CAMKMT: variants seen among roughly 807,000 people sequenced by gnomAD.
The protein encoded by CAMKMT is calmodulin-lysine N-methyltransferase.
In CAMKMT, 53 loss-of-function variants were observed where a neutral mutation model predicts 48.0. The observed-to-expected ratio is 1.10, with a 90% CI of 0.89 to 1.39. CAMKMT has a LOEUF of 1.39. Ranked by LOEUF, CAMKMT falls within the 40% of genes most tolerant of loss-of-function variation. The pLI is 0.00. For synonymous variants in CAMKMT, 165 were observed against 152.3 expected (o/e 1.08, Z -0.61); for missense variants, 428 against 402.7 (o/e 1.06, Z -0.54).
At chr2:44,545,681 C>CTTTT (rs71393283) in intron 3 of CAMKMT, among the ~76,000 whole-genome samples, 2 of 135,644 alleles carry the variant, frequency 1.5e-5, no homozygotes, top group African/African-American at 2.7e-5. Context: ...TAGACTCGGT[C>CTTTT]TTTTTTTTTT....
At chr2:44,365,286 G>T (rs981383968) in intron 1 of CAMKMT, among the ~76,000 whole-genome samples, 7 of 152,010 alleles carry the variant, frequency 4.6e-5, no homozygotes, top group African/African-American at 1.4e-4. Flanking sequence ...TTTACTTTAT[G>T]TTAACTATTC....
intron 10 of CAMKMT, among the ~76,000 whole-genome samples, chr2:44,766,788 A>G (rs1324882662): frequency 6.6e-6 from 1 of 152,210 alleles, no homozygotes; most frequent in Admixed American, 6.5e-5. Context: ...TTTCTCTGAA[A>G]CAAACTAATC....
intron 6 of CAMKMT, among the ~76,000 whole-genome samples, chr2:44,710,978 G>A (rs751657716): frequency 7.2e-5 from 11 of 152,040 alleles, no homozygotes; most frequent in Non-Finnish European, 1.3e-4. Context: ...TTGAACTTAG[G>A]ATTCTCCAAA....
At chr2:44,460,423 C>G (rs1439391296) in intron 3 of CAMKMT, among the ~76,000 whole-genome samples, 4 of 152,198 alleles carry the variant, frequency 2.6e-5, no homozygotes, top group Non-Finnish European at 2.9e-5. Context: ...AATTGTGAGT[C>G]TTTTTAGTGA....
At chr2:44,622,198 G>A (rs527880707) in intron 3 of CAMKMT, among the ~76,000 whole-genome samples, 2 of 152,222 alleles carry the variant, frequency 1.3e-5, no homozygotes, top group Admixed American at 6.5e-5. Context: ...TTGGCTTCTC[G>A]TTCCTCATAA....
At chr2:44,562,211 T>G (rs924084872) in intron 3 of CAMKMT, among the ~76,000 whole-genome samples, 1 of 152,190 alleles carries the variant, frequency 6.6e-6, no homozygotes, top group African/African-American at 2.4e-5. Context: ...CCCCTTCCCA[T>G]TCCACTCTGT....
At chr2:44,384,500 C>CTTTTTT (rs141017634) in intron 2 of CAMKMT, among the ~76,000 whole-genome samples, 286 of 95,306 alleles carry the variant, frequency 3.0e-3, no homozygotes, top group East Asian at 5.4e-3. Flanking sequence ...AGCTATTTAT[C>CTTTTTT]TTTTTTTTTT....
intron 3 of CAMKMT, among the ~76,000 whole-genome samples, chr2:44,488,709 C>CA (rs762640067): frequency 2.6e-4 from 37 of 144,296 alleles, no homozygotes; most frequent in South Asian, 4.4e-4. Context: ...TCAAATCAAA[C>CA]AAAAAAAAAA....
intron 9 of CAMKMT, among the ~76,000 whole-genome samples, chr2:44,763,354 C>A (rs888759203): frequency 1.3e-5 from 2 of 152,164 alleles, no homozygotes; most frequent in African/African-American, 2.4e-5. Flanking sequence ...AAAAGCTTCT[C>A]GGGAAAATCT....
Position 44,772,199 on chromosome 2 carries a change from C to T in CAMKMT, c.*86C>T, listed in dbSNP as rs758982821. 10 of 1,051,600 alleles carry T rather than the reference C, an allele frequency of 9.5e-6. No homozygotes were observed. Among genetic ancestry groups the T allele is most frequent in the African/African-American group, 6.3e-5 (4 of 63,424 alleles). 65.1% of individuals were successfully genotyped at this position (1,051,600 alleles called of 1,614,324 possible). A position where few individuals can be genotyped will look rare whatever the true frequency, so the allele number is the denominator to read the frequency against. ...AACGGAAATCTGTAAGGGGTATAAT[C>T]GCCTGCCTGCGCCCTTTGCAGCATT... is the stretch of plus-strand genomic sequence containing the variant. On this transcript the variant is annotated 3_prime_UTR_variant, in exon 11 of 11. Transcript: ENST00000378494.
chr2:44,738,739 G>T (rs80321331), intron 7 of CAMKMT, among the ~76,000 whole-genome samples: 2 of 152,272 alleles, frequency 1.3e-5, no homozygotes, highest in East Asian at 3.9e-4. Context: ...ACATTAAAGG[G>T]TAATAGCTGC....
intron 4 of CAMKMT, chr2:44,705,459 T>G (rs919840537): frequency 3.3e-5 from 33 of 985,278 alleles, no homozygotes; most frequent in Non-Finnish European, 3.9e-5. Flanking sequence ...TAAGCTTGAC[T>G]GGAGCTCCAA....
At chr2:44,528,944 C>G (rs1014076768) in intron 3 of CAMKMT, among the ~76,000 whole-genome samples, 14 of 151,456 alleles carry the variant, frequency 9.2e-5, no homozygotes, top group East Asian at 3.9e-4. Context: ...TTCTGTTTGT[C>G]TATTTTATGA....
chr2:44,726,902 A>AGCTTTGTTGAAGATCAGATGGTT (rs1678818506), intron 7 of CAMKMT, among the ~76,000 whole-genome samples: 1 of 152,042 alleles, frequency 6.6e-6, no homozygotes, highest in Non-Finnish European at 1.5e-5. Context: ...TGTTTTTGTC[A>AGCTTTGTTGAAGATCAGATGGTT]GCTTTGTTGA....
intron 3 of CAMKMT, among the ~76,000 whole-genome samples, chr2:44,682,747 A>C (rs1011328273): frequency 2.0e-5 from 3 of 152,208 alleles, no homozygotes; most frequent in African/African-American, 7.2e-5. Context: ...TATTCTTAGA[A>C]GAGAATACGC....
At chr2:44,677,612 G>A (rs1053751324) in intron 3 of CAMKMT, among the ~76,000 whole-genome samples, 1 of 152,084 alleles carries the variant, frequency 6.6e-6, no homozygotes, top group African/African-American at 2.4e-5. Context: ...GGAGGCTGAG[G>A]CAGGAGAATC....
At chr2:44,402,923 G>GTT (rs67305689) in intron 3 of CAMKMT, among the ~76,000 whole-genome samples, 4 of 134,356 alleles carry the variant, frequency 3.0e-5, no homozygotes, top group African/African-American at 5.5e-5. Context: ...ATTACTGAAA[G>GTT]TTTTTTTTTT....
At chr2:44,607,362 G>A (rs944060176) in intron 3 of CAMKMT, among the ~76,000 whole-genome samples, 28 of 152,256 alleles carry the variant, frequency 1.8e-4, no homozygotes, top group African/African-American at 6.3e-4. Context: ...ATTTGGGGAA[G>A]GAAGGTTGGT....
At chr2:44,378,990 G>A (rs1679974656) in intron 2 of CAMKMT, among the ~76,000 whole-genome samples, 1 of 152,172 alleles carries the variant, frequency 6.6e-6, no homozygotes. Flanking sequence ...TATTTACAAT[G>A]TTGTACAGCC....
Sources: allele counts gnomAD v4.1 joint callset (sites outside exome capture counted in the v4.1 genomes callset), GRCh38; gene constraint gnomAD v4.1.1; transcripts MANE v1.5; gene names NCBI Gene and HGNC (gene_info 2026-07-23, HGNC 2026-07-21).